SCN8A: variants seen among roughly 807,000 people sequenced by gnomAD.
SCN8A encodes the protein sodium channel protein type 8 subunit alpha.
Under a neutral mutation model 184.1 loss-of-function variants are expected in SCN8A, and 30 were observed. The ratio of observed to expected loss-of-function variants is 0.16; its 90% CI spans 0.12 to 0.22. SCN8A has a LOEUF of 0.22. Among genes scored for constraint, SCN8A ranks in the 10% least tolerant of loss-of-function variants. The pLI, the probability that SCN8A is intolerant of heterozygous loss-of-function variation, is 1.00. For missense variants in SCN8A, 1,057 were observed against 2,498.9 expected (o/e 0.42, Z 12.30); for synonymous variants, 852 against 907.0 (o/e 0.94, Z 1.09).
intron 1 of SCN8A, among the ~76,000 whole-genome samples, chr12:51,659,014 G>C (rs1038167871): frequency 9.2e-5 from 14 of 152,110 alleles, no homozygotes; most frequent in African/African-American, 3.1e-4. Context: ...TAAAGGTATG[G>C]CTACCAAAAG....
chr12:51,770,051 G>A (rs1286547284), intron 18 of SCN8A, 66 bp downstream of exon 18: 8 of 1,155,210 alleles, frequency 6.9e-6, no homozygotes, highest in Non-Finnish European at 1.0e-5. Context: ...AGTTGTGCCA[G>A]GGCTAGTGGT....
At chr12:51,708,933 C>T (rs1289650240) in intron 11 of SCN8A, among the ~76,000 whole-genome samples, 1 of 152,156 alleles carries the variant, frequency 6.6e-6, no homozygotes, top group African/African-American at 2.4e-5. Context: ...AGAGAGCTTA[C>T]AGTACAGTGA....
At chr12:51,770,407 AGCC>A in intron 18 of SCN8A, 119 bp from the exon 19 acceptor site, 2 of 1,104,896 alleles carry the variant, frequency 1.8e-6, no homozygotes, top group Non-Finnish European at 2.5e-6. Context: ...ATTCTGATTC[AGCC>A]ACTGTCCTCC....
At chr12:51,592,207 C>G (rs1408262060) in intron 1 of SCN8A, among the ~76,000 whole-genome samples, 1 of 151,858 alleles carries the variant, frequency 6.6e-6, no homozygotes, top group East Asian at 1.9e-4. Context: ...ACCCTCCTCT[C>G]TAGTTCTCAC....
At position 51,770,795 on chromosome 12, in the gene SCN8A, G is replaced by A. The variant is rs188166845; in HGVS notation, c.3645+112G>A. 2,517 of 1,114,096 alleles carry A rather than the reference G, an allele frequency of 2.3e-3. 35 individuals are homozygous for A. In the African/African-American group the frequency reaches 0.034, roughly 15 times the overall value. 69.0% of individuals were successfully genotyped at this position (1,114,096 alleles called of 1,614,324 possible). On this transcript the variant is annotated intron_variant, in intron 19 of 26. Coordinates refer to ENST00000627620, the MANE Select transcript of SCN8A (RefSeq NM_001330260.2). ...TGGCTCTGAAAACAGATTGGCTGTG[G>A]TCCCAAGAAGAATGATCTGTTAAAG...
At chr12:51,727,913 G>C (rs530110701) in intron 12 of SCN8A, among the ~76,000 whole-genome samples, 15 of 152,196 alleles carry the variant, frequency 9.9e-5, no homozygotes, top group African/African-American at 3.4e-4. Flanking sequence ...TTGCACCACT[G>C]TACTCCAGTG....
intron 1 of SCN8A, among the ~76,000 whole-genome samples, chr12:51,636,703 A>AT (rs1159132108): frequency 6.6e-6 from 1 of 152,208 alleles, no homozygotes; most frequent in Non-Finnish European, 1.5e-5. Flanking sequence ...CCATTCTTTC[A>AT]TTTATGCCAC....
chr12:51,805,582 G>T (rs1938676434), intron 26 of SCN8A, among the ~76,000 whole-genome samples: 1 of 152,106 alleles, frequency 6.6e-6, no homozygotes, highest in South Asian at 2.1e-4. Context: ...ATCTGGGAAT[G>T]ATGAAAGAGG....
chr12:51,716,763 G>A (rs1282477393), intron 11 of SCN8A, among the ~76,000 whole-genome samples: 7 of 152,220 alleles, frequency 4.6e-5, no homozygotes, highest in South Asian at 2.1e-4. Context: ...CCAAGGCACC[G>A]GTTATTAACA....
rs1398939473 is a variant in SCN8A at position 51,705,756 on chromosome 12, C to G, written c.1341+133C>G. On this transcript the variant is annotated intron_variant, in intron 10 of 26. Coordinates refer to ENST00000627620, the MANE Select transcript of SCN8A (RefSeq NM_001330260.2). ...GGCCATTGGTCTGATGAAAATAACC[C>G]AAGTAACAACTGCAGATGGTTGCTC... 2.5e-5 allele frequency: 19 copies of G among 750,026 alleles called. No homozygotes were observed. In the Admixed American group the frequency reaches 5.2e-4, roughly 21 times the overall value. The allele number at this position is 750,026 out of a possible 1,614,324, so 46.5% of individuals were successfully genotyped here.
At chr12:51,597,646 GA>G (rs979116563) in intron 1 of SCN8A, among the ~76,000 whole-genome samples, 39 of 152,132 alleles carry the variant, frequency 2.6e-4, no homozygotes, top group African/African-American at 9.2e-4. Context: ...CTTTGTCAAT[GA>G]AAAAACACCT....
intron 9 of SCN8A, among the ~76,000 whole-genome samples, chr12:51,704,972 C>G (rs942286618): frequency 6.6e-6 from 1 of 151,080 alleles, no homozygotes; most frequent in African/African-American, 2.4e-5. Flanking sequence ...GACACTTCAT[C>G]TCAAAAAAAA....
chr12:51,795,181 T>A (rs902948643), intron 26 of SCN8A, among the ~76,000 whole-genome samples: 7 of 152,162 alleles, frequency 4.6e-5, no homozygotes, highest in African/African-American at 1.7e-4. Flanking sequence ...GGAAGCAAGC[T>A]TCTTTATTAT....
At chr12:51,709,980 A>G (rs1941847421) in intron 11 of SCN8A, among the ~76,000 whole-genome samples, 1 of 152,210 alleles carries the variant, frequency 6.6e-6, no homozygotes, top group African/African-American at 2.4e-5. Context: ...GTTTGAGATC[A>G]GCCTGGGCAA....
At chr12:51,684,066 A>C (rs981750086) in intron 2 of SCN8A, 108 bp from the exon 3 acceptor site, 2 of 716,642 alleles carry the variant, frequency 2.8e-6, no homozygotes, top group Non-Finnish European at 5.0e-6. Flanking sequence ...GGGAAGTAAA[A>C]AGTATTAAAG....
At chr12:51,745,175 T>TA (rs1481754194) in intron 12 of SCN8A, among the ~76,000 whole-genome samples, 2 of 152,232 alleles carry the variant, frequency 1.3e-5, no homozygotes, top group Non-Finnish European at 2.9e-5. Context: ...TCATATTTTT[T>TA]ATAACAATCT....
intron 1 of SCN8A, among the ~76,000 whole-genome samples, chr12:51,607,971 T>C (rs961579148): frequency 6.6e-6 from 1 of 152,022 alleles, no homozygotes; most frequent in African/African-American, 2.4e-5. Context: ...TCCTTCTTTC[T>C]CTGTCTTGAG....
chr12:51,689,174 G>A, intron 6 of SCN8A, 78 bp downstream of exon 6: 2 of 1,088,770 alleles, frequency 1.8e-6, no homozygotes, highest in Non-Finnish European at 2.7e-6. Context: ...CCATTCTAAA[G>A]CAGCATCAGT....
intron 26 of SCN8A, among the ~76,000 whole-genome samples, chr12:51,800,401 G>A (rs1364572267): frequency 6.6e-6 from 1 of 152,190 alleles, no homozygotes. Flanking sequence ...GGGATGTGGT[G>A]GGAATCACCA....
Sources: allele counts gnomAD v4.1 joint callset (sites outside exome capture counted in the v4.1 genomes callset), GRCh38; gene constraint gnomAD v4.1.1; transcripts MANE v1.5; gene names NCBI Gene and HGNC (gene_info 2026-07-23, HGNC 2026-07-21).